Variants in JAK2 observed in about 807,000 individuals in gnomAD.
JAK2 encodes tyrosine-protein kinase JAK2.
A neutral mutation model predicts 139.3 loss-of-function variants in JAK2; 86 were observed. That is an observed-to-expected ratio of 0.62 (90% CI 0.52 to 0.74). The LOEUF is 0.74. Among genes scored for constraint, JAK2 ranks in the 30% least tolerant of loss-of-function variants. The pLI is 0.00. For missense variants in JAK2, 1,421 were observed against 1,360.3 expected (o/e 1.04, Z -0.70); for synonymous variants, 490 against 437.7 (o/e 1.12, Z -1.49).
chr9:5,089,699 G>A lies in JAK2; in HGVS notation c.2597G>A (p.Cys866Tyr), dbSNP rs1351324295. 4.8e-6 allele frequency: 7 copies of A among 1,461,782 alleles called. No homozygotes were observed. The highest frequency in any genetic ancestry group is 5.4e-6 in the Non-Finnish European group (6 of 1,101,770). 90.6% of individuals were successfully genotyped at this position (1,461,782 alleles called of 1,614,324 possible). A position where few individuals can be genotyped will look rare whatever the true frequency, so the allele number is the denominator to read the frequency against. Residue 866 changes from cysteine to tyrosine, a missense_variant, in exon 20 of 25, where the codon TGC becomes TAC. Cys to Tyr is a radical substitution (Grantham distance 194). Transcript: ENST00000381652. ...GKGNFGSVEM[C>Y]RYDPLQDNTG... ...GGTAATTTTGGGAGTGTGGAGATGT[G>A]CCGGTATGACCCTCTACAGGACAAC...
intron 8 of JAK2, among the ~76,000 whole-genome samples, chr9:5,059,534 A>T (rs1818008503): frequency 6.6e-6 from 1 of 152,036 alleles, no homozygotes; most frequent in Non-Finnish European, 1.5e-5. Context: ...TCTTATACAT[A>T]TTTTTTGGTG....
At chr9:5,020,510 C>G (rs1263705727) in intron 2 of JAK2, among the ~76,000 whole-genome samples, 1 of 152,056 alleles carries the variant, frequency 6.6e-6, no homozygotes. Context: ...GTGCTGTGCC[C>G]TGATGCTGGG....
At chr9:5,032,278 A>G (rs1323249563) in intron 4 of JAK2, among the ~76,000 whole-genome samples, 1 of 152,254 alleles carries the variant, frequency 6.6e-6, no homozygotes, top group Non-Finnish European at 1.5e-5. Context: ...AGCCCACCAC[A>G]GCTCAAGGAG....
At chr9:5,049,217 C>A (rs1009109940) in intron 5 of JAK2, among the ~76,000 whole-genome samples, 2 of 152,192 alleles carry the variant, frequency 1.3e-5, no homozygotes, top group African/African-American at 2.4e-5. Context: ...TCAAGCACTT[C>A]TATCATTGCT....
chr9:5,072,953 T>TG (rs1273736452), intron 13 of JAK2, among the ~76,000 whole-genome samples: 3 of 147,508 alleles, frequency 2.0e-5, no homozygotes, highest in Non-Finnish European at 2.9e-5. Context: ...TACATTTATT[T>TG]GAAAAAAAAA....
intron 14 of JAK2, among the ~76,000 whole-genome samples, chr9:5,074,441 G>A (rs766146629): frequency 6.7e-6 from 1 of 150,142 alleles, no homozygotes; most frequent in Non-Finnish European, 1.5e-5. Context: ...TCATATTTTG[G>A]TAATTCTAGC....
chr9:4,994,084 GT>G (rs575518001), intron 2 of JAK2, among the ~76,000 whole-genome samples: 468 of 152,180 alleles, frequency 3.1e-3, no homozygotes, highest in African/African-American at 0.011. Context: ...TATCCTACTT[GT>G]TTTTATTAGT....
At chr9:4,987,443 G>A (rs1308278173) in intron 2 of JAK2, among the ~76,000 whole-genome samples, 1 of 152,098 alleles carries the variant, frequency 6.6e-6, no homozygotes, top group Non-Finnish European at 1.5e-5. Flanking sequence ...CTTAAGAGTT[G>A]CATTATTTAC....
chr9:5,125,521 T>G (rs989920600), intron 23 of JAK2, among the ~76,000 whole-genome samples: 1 of 151,454 alleles, frequency 6.6e-6, no homozygotes, highest in African/African-American at 2.4e-5. Flanking sequence ...ATAATTATCT[T>G]AGAATAAAAG....
At chr9:5,043,119 C>G (rs982969392) in intron 4 of JAK2, among the ~76,000 whole-genome samples, 13 of 152,178 alleles carry the variant, frequency 8.5e-5, no homozygotes, top group Non-Finnish European at 1.5e-4. Flanking sequence ...TTAAAGCCCC[C>G]GACCCAGCCC....
chr9:5,041,148 T>A (rs1484977330), intron 4 of JAK2: 15 of 1,113,552 alleles, frequency 1.3e-5, no homozygotes, highest in Middle Eastern at 4.6e-4. Flanking sequence ...ATCCGGCTGA[T>A]CACGCGCATG....
intron 19 of JAK2, 83 bp downstream of exon 19, chr9:5,081,944 A>G (rs1018335168): frequency 4.2e-6 from 5 of 1,186,440 alleles, no homozygotes; most frequent in African/African-American, 1.6e-5. Context: ...TTCACTTTCT[A>G]CAACATTTTA....
chr9:4,986,183 G>T (rs988706841), intron 2 of JAK2, among the ~76,000 whole-genome samples, 161 bp downstream of exon 2: 3 of 152,196 alleles, frequency 2.0e-5, no homozygotes, highest in Non-Finnish European at 4.4e-5. Flanking sequence ...ATCTGGGAGA[G>T]TAATTTTGGG....
At chr9:5,079,053 C>T (rs1215339412) in intron 16 of JAK2, among the ~76,000 whole-genome samples, 2 of 152,110 alleles carry the variant, frequency 1.3e-5, no homozygotes, top group Non-Finnish European at 2.9e-5. Context: ...CTAAATTGAT[C>T]AATTTTTGTG....
chr9:5,045,556 T>G (rs985244470), intron 5 of JAK2, among the ~76,000 whole-genome samples: 1 of 152,226 alleles, frequency 6.6e-6, no homozygotes, highest in Non-Finnish European at 1.5e-5. Context: ...TCATACCCAT[T>G]AAATAATAAC....
At chr9:5,072,062 G>T (rs751196140) in intron 12 of JAK2, among the ~76,000 whole-genome samples, 17 of 152,144 alleles carry the variant, frequency 1.1e-4, no homozygotes, top group Non-Finnish European at 2.4e-4. Context: ...GACAGCTGCA[G>T]CACAGAGATT....
chr9:5,083,174 C>T (rs1444045794), intron 19 of JAK2, among the ~76,000 whole-genome samples: 1 of 151,160 alleles, frequency 6.6e-6, no homozygotes, highest in Non-Finnish European at 1.5e-5. Context: ...GCTTTTCTGC[C>T]TGCCTTTCTG....
chr9:5,086,603 A>T (rs543248235), intron 19 of JAK2, among the ~76,000 whole-genome samples: 1 of 152,232 alleles, frequency 6.6e-6, no homozygotes, highest in South Asian at 2.1e-4. Flanking sequence ...TAAAAAAAAA[A>T]TTCCTTGGCT....
chr9:5,079,365 A>C (rs540059175), intron 16 of JAK2, among the ~76,000 whole-genome samples: 3 of 152,356 alleles, frequency 2.0e-5, no homozygotes, highest in African/African-American at 7.2e-5. Flanking sequence ...TTCTGGTGGA[A>C]TCAAAGACCA....
Sources: allele counts gnomAD v4.1 joint callset (sites outside exome capture counted in the v4.1 genomes callset), GRCh38; gene constraint gnomAD v4.1.1; transcripts MANE v1.5; gene names NCBI Gene and HGNC (gene_info 2026-07-23, HGNC 2026-07-21).